BMX: variants seen among roughly 807,000 people sequenced by gnomAD.
BMX encodes BMX non-receptor tyrosine kinase.
Under a neutral mutation model 59.2 loss-of-function variants are expected in BMX, and 31 were observed. The observed-to-expected ratio is 0.52, with a 90% confidence interval of 0.39 to 0.71. The LOEUF is 0.71. Among genes scored for constraint, BMX ranks in the 30% least tolerant of loss-of-function variants. The pLI, the probability that BMX is intolerant of heterozygous loss-of-function variation, is 0.00. For missense variants in BMX, 474 were observed against 491.7 expected, an observed-to-expected ratio of 0.96 and a Z score of 0.34; for synonymous variants, 185 against 181.0, an observed-to-expected ratio of 1.02 and a Z score of -0.18.
chrX:15,532,529 G>T (rs1345773604), intron 11 of BMX, among the ~76,000 whole-genome samples: 1 of 111,416 alleles, frequency 9.0e-6, no homozygotes, highest in Non-Finnish European at 1.9e-5. Context: ...CAGTGTTTTG[G>T]AATGAGAATC....
chrX:15,513,448 G>A (rs1168581955), intron 4 of BMX, among the ~76,000 whole-genome samples: 1 of 111,979 alleles, frequency 8.9e-6, no homozygotes, highest in Non-Finnish European at 1.9e-5. Flanking sequence ...CATGGGATTT[G>A]CTGTCAAGTT....
In BMX at chrX:15,511,536, A is replaced by T. The variant is rs1923959161; in HGVS notation, c.325+18A>T. 4.2e-6 allele frequency: 5 copies of T among 1,176,848 alleles called. No individual in the cohort carries two copies. Among genetic ancestry groups the T allele is most frequent in the Non-Finnish European group, 5.7e-6 (5 of 871,165 alleles). On this transcript the variant is annotated intron_variant, in intron 4 of 18. Coordinates refer to ENST00000348343, the MANE Select transcript of BMX (RefSeq NM_203281.3). ...ACAAAAAGGTAATTCAAAAAAAGAAATGTTGAAAGAGAAAGGTCAAAAAAA... is the reference window on the plus strand; with the variant it reads ...ACAAAAAGGTAATTCAAAAAAAGAATTGTTGAAAGAGAAAGGTCAAAAAAA...
chrX:15,503,084 G>A (rs1923625574), intron 1 of BMX, among the ~76,000 whole-genome samples: 2 of 111,789 alleles, frequency 1.8e-5, no homozygotes, highest in African/African-American at 6.5e-5. Context: ...AATTTTAAAA[G>A]ATAAATCTTT....
chrX:15,517,350 A>G (rs1267451661), intron 5 of BMX, among the ~76,000 whole-genome samples: 1 of 112,030 alleles, frequency 8.9e-6, no homozygotes, highest in East Asian at 2.8e-4. Context: ...CATTTTCCCC[A>G]GTGGTTTTGT....
Position 15,542,210 on chromosome X carries a change from C to T in BMX, c.1611+12C>T, listed in dbSNP as rs1158563726. On this transcript the variant is annotated intron_variant, in intron 15 of 18. Transcript: ENST00000348343. Reference sequence around the variant, plus strand: ...TACACCGGGACTTGGTAAGCAAAGCCATTGGAATTTCAAAGAAAAGAAAGC... The same window carrying T: ...TACACCGGGACTTGGTAAGCAAAGCTATTGGAATTTCAAAGAAAAGAAAGC... 6 of 1,205,063 alleles carry T rather than the reference C, an allele frequency of 5.0e-6. No homozygotes were observed. The highest frequency in any genetic ancestry group is 2.2e-5 in the Admixed American group (1 of 45,876).
chrX:15,541,117 A>G (rs1925654437), intron 14 of BMX, among the ~76,000 whole-genome samples: 1 of 111,289 alleles, frequency 9.0e-6, no homozygotes, highest in African/African-American at 3.3e-5. Context: ...ACACTTTACA[A>G]GAAGGTTTGC....
intron 17 of BMX, among the ~76,000 whole-genome samples, chrX:15,547,355 G>A (rs180880223): frequency 2.3e-3 from 261 of 112,109 alleles, no homozygotes; most frequent in African/African-American, 7.9e-3. Context: ...AGCCCCAAAC[G>A]TTGAAAAGAC....
At chrX:15,525,491 T>C (rs748237919) in intron 8 of BMX, 126 bp downstream of exon 8, 4 of 665,197 alleles carry the variant, frequency 6.0e-6, no homozygotes, top group Non-Finnish European at 4.6e-6. Flanking sequence ...AAAAAGTCTA[T>C]GTAGTTTGCC....
intron 6 of BMX, among the ~76,000 whole-genome samples, chrX:15,519,923 G>A (rs747275926): frequency 9.0e-5 from 10 of 111,652 alleles, no homozygotes; most frequent in Admixed American, 4.7e-4. Context: ...TGAGGGATTC[G>A]CCCCTATGAC....
At chrX:15,545,338 C>T (rs1178029737) in intron 16 of BMX, among the ~76,000 whole-genome samples, 1 of 112,383 alleles carries the variant, frequency 8.9e-6, no homozygotes, top group Non-Finnish European at 1.9e-5. Flanking sequence ...AGAGATCCAA[C>T]TGCCCTACTT....
rs34118728 is a variant in BMX at position 15,555,201 on chromosome X, C to CTTTTT, written c.1954-851_1954-847dup. 1.0e-3 allele frequency among the ~76,000 whole-genome samples: 43 copies of CTTTTT among 41,582 alleles called. 2 individuals are homozygous for CTTTTT. Among genetic ancestry groups the CTTTTT allele is most frequent in the East Asian group, 4.1e-3 (4 of 981 alleles). The allele number at this position is 41,582 out of a possible 115,157, so 36.1% of individuals were successfully genotyped here. ...TTGTCCTAGTCTAGAACGAGGGAAG[C>CTTTTT]TTTTTTTTTTTTTTTTTTTTTTTTT... On this transcript the variant is annotated intron_variant, in intron 18 of 18. Transcript: ENST00000348343.
intron 11 of BMX, among the ~76,000 whole-genome samples, chrX:15,532,274 C>T (rs1413974826): frequency 2.7e-5 from 3 of 111,359 alleles, no homozygotes; most frequent in Admixed American, 9.6e-5. Context: ...TCATCAAAAT[C>T]CTTCTCCAGA....
chrX:15,532,515 C>G (rs1925131410), intron 11 of BMX, among the ~76,000 whole-genome samples: 1 of 111,474 alleles, frequency 9.0e-6, no homozygotes, highest in Admixed American at 9.5e-5. Flanking sequence ...TTACACTGAA[C>G]CCCCAGTGTT....
At position 15,536,441 on chromosome X, in the gene BMX, C is replaced by G; in HGVS notation, c.1222+14C>G. ...CCCTGGGAAATGGTATGGATACATA[C>G]TTGGGTTCTTAAACTCCATTTTCCA... On this transcript the variant is annotated intron_variant, in intron 13 of 18. Coordinates refer to ENST00000348343, the MANE Select transcript of BMX (RefSeq NM_203281.3). The G allele has an allele frequency of 8.6e-7, 1 of 1,167,206 alleles. No individual in the cohort carries two copies. The highest frequency in any genetic ancestry group is 1.9e-5 in the South Asian group (1 of 52,209).
chrX:15,509,379 G>A lies in BMX; in HGVS notation c.189G>A (p.Val63=). The A allele has an allele frequency of 6.6e-6, 8 of 1,208,682 alleles. No individual in the cohort carries two copies. Among genetic ancestry groups the A allele is most frequent in the Non-Finnish European group, 8.9e-6 (8 of 894,034 alleles). The change falls in exon 3 of 19, where the codon GTG becomes GTA. Residue 63 remains valine (V), a synonymous_variant. Coordinates refer to ENST00000348343, the MANE Select transcript of BMX (RefSeq NM_203281.3). The part of the protein sequence containing the change: ...GSIEIKKIRC[V]EKVNLEEQTP... ...TTGAAATTAAGAAAATCAGATGTGT[G>A]GAGAAAGTAAATCTCGAGGAGCAGA... is the stretch of plus-strand genomic sequence containing the variant.
chrX:15,517,934 A>C lies in BMX; in HGVS notation c.451A>C (p.Asn151His). 8.3e-7 allele frequency: 1 copy of C among 1,204,149 alleles called. No individual in the cohort carries two copies. Among genetic ancestry groups the C allele is most frequent in the Non-Finnish European group, 1.1e-6 (1 of 890,085 alleles). ...PGCTLWEAYANLHTAVNEEKH... is the reference protein window; with the variant it reads ...PGCTLWEAYAHLHTAVNEEKH... ...TACTTTGTTTTAATGTTCAGATGCT[A>C]ATCTGCATACTGCAGTCAATGAAGA... The change falls in exon 6 of 19, where the codon AAT becomes CAT. Residue 151 changes from asparagine to histidine, a missense_variant. Asn to His is a moderately conservative substitution (Grantham distance 68, BLOSUM62 1). Coordinates refer to ENST00000348343, the MANE Select transcript of BMX (RefSeq NM_203281.3).
chrX:15,528,637 G>T lies in BMX; in HGVS notation c.885-1336G>T, dbSNP rs377383982. On this transcript the variant is annotated intron_variant, in intron 9 of 18. Transcript: ENST00000348343. ...CATACCACTGCACTCCAGCCTATGT[G>T]ACAGAGTGAGACCCTGTCAAAAAAC... 1.1e-4 allele frequency among the ~76,000 whole-genome samples: 12 copies of T among 110,318 alleles called. No homozygotes were observed. In the East Asian group the frequency reaches 2.8e-3, roughly 26 times the overall value.
At chrX:15,525,800 T>TG (rs1370578110) in intron 8 of BMX, among the ~76,000 whole-genome samples, 1 of 112,444 alleles carries the variant, frequency 8.9e-6, no homozygotes, top group East Asian at 2.8e-4. Context: ...GGGGGCCTCC[T>TG]GGGGATCTCC....
chrX:15,546,738 C>T (rs1925963797), intron 16 of BMX, 65 bp from the exon 17 acceptor site: 1 of 954,547 alleles, frequency 1.0e-6, no homozygotes, highest in Middle Eastern at 2.7e-4. Flanking sequence ...TGGGTGGCTT[C>T]CGTGTCCTTC....
Sources: allele counts gnomAD v4.1 joint callset (sites outside exome capture counted in the v4.1 genomes callset), GRCh38; gene constraint gnomAD v4.1.1; transcripts MANE v1.5; gene names NCBI Gene and HGNC (gene_info 2026-07-23, HGNC 2026-07-21).